TUSC3: variants seen among roughly 807,000 people sequenced by gnomAD.
TUSC3 encodes tumor suppressor candidate 3.
TUSC3 carries 45 observed loss-of-function variants against 44.8 expected under a neutral mutation model. The ratio of observed to expected loss-of-function variants is 1.00; its 90% CI spans 0.79 to 1.29. The LOEUF is 1.29. TUSC3 is among the 50% of genes most tolerant of loss of function. The probability of loss-of-function intolerance (pLI) is 0.00; values close to 1 mark genes in which losing one functional copy is unlikely to be tolerated. For missense variants in TUSC3, 519 were observed against 437.9 expected, an observed-to-expected ratio of 1.19 and a Z score of -1.65; for synonymous variants, 212 against 152.9, an observed-to-expected ratio of 1.39 and a Z score of -2.85.
At chr8:15,673,630 G>A in intron 5 of TUSC3, 117 bp from the exon 6 acceptor site, 1 of 865,264 alleles carries the variant, frequency 1.2e-6, no homozygotes, top group Non-Finnish European at 1.9e-6. Flanking sequence ...TTTTTAAAAT[G>A]TGTGAGCTGA....
rs73665481 is a variant in TUSC3, at chr8:15,701,481, C to T, written c.798+27645C>T. ...GAATAATATTACCAGAATAGTGTTT[C>T]AGGAAGGAAGTTAATTTTGTAGTCG... On this transcript the variant is annotated intron_variant, in intron 6 of 10. Transcript: ENST00000503731. Among the ~76,000 whole-genome samples, 886 of 152,074 alleles carry T rather than the reference C, an allele frequency of 5.8e-3. 11 individuals carry two copies. Among genetic ancestry groups the T allele is most frequent in the African/African-American group, 0.021 (856 of 41,476 alleles).
At chr8:15,682,148 T>G (rs186616177) in intron 6 of TUSC3, among the ~76,000 whole-genome samples, 1 of 152,170 alleles carries the variant, frequency 6.6e-6, no homozygotes, top group Non-Finnish European at 1.5e-5. Context: ...GCAGTTGTTG[T>G]GTGGAGTATT....
intron 4 of TUSC3, 152 bp from the exon 5 acceptor site, chr8:15,662,004 T>G (rs561914627): frequency 2.7e-5 from 22 of 807,798 alleles, no homozygotes; most frequent in Non-Finnish European, 4.4e-5. Context: ...ATATATCTTA[T>G]GGCAGAATGA....
At chr8:15,614,653 T>C (rs57391160) in intron 1 of TUSC3, among the ~76,000 whole-genome samples, 4,438 of 152,258 alleles carry the variant, frequency 0.029, 78 homozygotes, top group East Asian at 0.049. Context: ...CAGTATTCCA[T>C]TGTGTGGACC....
At chr8:15,683,248 A>T (rs1808496375) in intron 6 of TUSC3, among the ~76,000 whole-genome samples, 1 of 152,186 alleles carries the variant, frequency 6.6e-6, no homozygotes, top group Non-Finnish European at 1.5e-5. Flanking sequence ...TATGTTTTCC[A>T]TGTTTTCTGC....
At chr8:15,768,064 A>G (rs796832775), downstream of TUSC3, among the ~76,000 whole-genome samples, 11 of 152,308 alleles carry the variant, frequency 7.2e-5, no homozygotes, top group African/African-American at 2.6e-4. Flanking sequence ...GGAAGTGAAG[A>G]CTAAAACAGT....
chr8:15,575,480 T>C (rs1315927769), intron 1 of TUSC3, among the ~76,000 whole-genome samples: 1 of 152,156 alleles, frequency 6.6e-6, no homozygotes, highest in Non-Finnish European at 1.5e-5. Context: ...AAAATTCTTC[T>C]GAGGGCTGGG....
intron 1 of TUSC3, among the ~76,000 whole-genome samples, chr8:15,457,344 AAAAC>A (rs1563256020): frequency 6.6e-6 from 1 of 151,844 alleles, no homozygotes; most frequent in African/African-American, 2.4e-5. Context: ...TAAAAAAACA[AAAAC>A]AAATAGAAAA....
chr8:15,679,606 C>T (rs749730068), intron 6 of TUSC3, among the ~76,000 whole-genome samples: 5 of 151,970 alleles, frequency 3.3e-5, no homozygotes, highest in Non-Finnish European at 7.4e-5. Flanking sequence ...AATTAGGTTC[C>T]ACTTGTCAAT....
the TUSC3 span, chr8:15,806,876 T>C: frequency 7.2e-5 from 84 of 1,159,570 alleles, no homozygotes; most frequent in Middle Eastern, 9.7e-4. Flanking sequence ...AATAATTATG[T>C]TGGGGAGAAA....
At chr8:15,830,694 T>G in the TUSC3 span, among the ~76,000 whole-genome samples, 1,078 of 152,020 alleles carry the variant, frequency 7.1e-3, 13 homozygotes, top group African/African-American at 0.025. Flanking sequence ...AACTTATAAA[T>G]GAGAGCTCAA....
At chr8:15,689,950 T>A (rs1240562225) in intron 6 of TUSC3, among the ~76,000 whole-genome samples, 2 of 151,860 alleles carry the variant, frequency 1.3e-5, no homozygotes, top group Non-Finnish European at 2.9e-5. Flanking sequence ...TCTTTGCTCC[T>A]GTGAATAGTG....
Position 15,659,565 on chromosome 8 carries a change from GA to G in TUSC3, c.486del (p.Ala163LeufsTer16), listed in dbSNP as rs1412560030. Reference protein sequence around the residue: ...MHFPPKGRPKRADTFDLQRIG... With the variant: ...MHFPPKGRPKXADTFDLQRIG... ...TTTCCTCCAAAAGGCAGACCTAAGA[GA>G]GCTGATACTTTTGACCTCCAAAGAA... On this transcript the variant is annotated frameshift_variant, in exon 4 of 11. Coordinates refer to ENST00000503731, the MANE Select transcript of TUSC3 (RefSeq NM_006765.4). LOFTEE classifies it high-confidence loss of function. 1 of 1,613,422 alleles carries G rather than the reference GA, an allele frequency of 6.2e-7. No individual in the cohort carries two copies.
At chr8:15,517,766 C>T (rs1209590383) in intron 2 of TUSC3, among the ~76,000 whole-genome samples, 1 of 151,930 alleles carries the variant, frequency 6.6e-6, no homozygotes, top group Non-Finnish European at 1.5e-5. Context: ...TTTTAAATTT[C>T]TTTACCTAAG....
intron 1 of TUSC3, among the ~76,000 whole-genome samples, chr8:15,606,936 T>C (rs756712909): frequency 6.6e-6 from 1 of 151,994 alleles, no homozygotes; most frequent in South Asian, 2.1e-4. Context: ...TGTGTGTGTG[T>C]ATGTGTATAT....
the TUSC3 span, among the ~76,000 whole-genome samples, chr8:15,844,402 G>A: frequency 6.6e-6 from 1 of 152,014 alleles, no homozygotes; most frequent in Non-Finnish European, 1.5e-5. Context: ...TATTTGAGGA[G>A]ACAGAAAAAT....
the TUSC3 span, among the ~76,000 whole-genome samples, chr8:15,777,603 CCTTTA>C: frequency 6.6e-6 from 1 of 152,136 alleles, no homozygotes; most frequent in East Asian, 1.9e-4. Context: ...TTATTTAGTG[CCTTTA>C]CTTTTTGAAA....
the TUSC3 span, among the ~76,000 whole-genome samples, chr8:15,811,264 C>G: frequency 6.6e-6 from 1 of 152,190 alleles, no homozygotes; most frequent in Non-Finnish European, 1.5e-5. Context: ...TCTGTTGTCA[C>G]ATTCCAAAGA....
At chr8:15,792,959 C>T in the TUSC3 span, among the ~76,000 whole-genome samples, 6 of 152,090 alleles carry the variant, frequency 3.9e-5, no homozygotes, top group East Asian at 1.2e-3. Context: ...CCTTTTCTCA[C>T]CCTCTGTAAG....
Sources: gnomAD v4.1 joint callset for allele counts (sites outside exome capture counted in the v4.1 genomes callset) on GRCh38, gnomAD v4.1.1 for gene constraint, MANE v1.5 for transcripts, NCBI Gene and HGNC (gene_info 2026-07-23, HGNC 2026-07-21) for gene names.